Variants in PCA3 observed in about 807,000 individuals in gnomAD.
PCA3 encodes the protein Differential Display code 3.
At chr9:76,767,623 T>G (rs1189151322) in intron 2 of PCA3, among the ~76,000 whole-genome samples, 5 of 152,190 alleles carry the variant, frequency 3.3e-5, no homozygotes, top group African/African-American at 9.7e-5. Context: ...TTCCCTACCT[T>G]CTTTGTTGAC....
At chr9:76,767,343 CGA>C (rs2052521412) in intron 2 of PCA3, among the ~76,000 whole-genome samples, 2 of 151,850 alleles carry the variant, frequency 1.3e-5, no homozygotes, top group African/African-American at 2.4e-5. Context: ...CCCAGCTACT[CGA>C]GAGGCCGAGG....
At chr9:76,780,927 T>C (rs2054317439) in intron 2 of PCA3, among the ~76,000 whole-genome samples, 2 of 152,114 alleles carry the variant, frequency 1.3e-5, no homozygotes, top group Admixed American at 6.5e-5. Flanking sequence ...GTGTTTCCCA[T>C]CTGAGAAAGT....
At chr9:76,772,567 T>C (rs1387280352) in intron 2 of PCA3, among the ~76,000 whole-genome samples, 1 of 152,082 alleles carries the variant, frequency 6.6e-6, no homozygotes. Flanking sequence ...GTAAATTATT[T>C]TCTTTCTTTT....
intron 2 of PCA3, among the ~76,000 whole-genome samples, chr9:76,766,282 G>T (rs1191053128): frequency 6.6e-6 from 1 of 151,838 alleles, no homozygotes; most frequent in Non-Finnish European, 1.5e-5. Context: ...AAAAGCTTCA[G>T]GGGATACCAT....
chr9:76,765,613 T>C (rs543129975), intron 2 of PCA3, among the ~76,000 whole-genome samples: 1 of 152,342 alleles, frequency 6.6e-6, no homozygotes, highest in East Asian at 1.9e-4. Flanking sequence ...TCCATCCATC[T>C]ATCCATCCAT....
intron 2 of PCA3, among the ~76,000 whole-genome samples, chr9:76,770,818 G>C (rs758981820): frequency 6.6e-6 from 1 of 152,130 alleles, no homozygotes; most frequent in Non-Finnish European, 1.5e-5. Flanking sequence ...ATCCAGAAAT[G>C]ACTGCTCATA....
At chr9:76,765,366 A>T (rs13295396) in intron 2 of PCA3, among the ~76,000 whole-genome samples, 8,383 of 152,308 alleles carry the variant, frequency 0.055, 318 homozygotes, top group Non-Finnish European at 0.083. Flanking sequence ...AAAGATAAGA[A>T]TAGGTAAATA....
At chr9:76,782,316 A>G (rs1265907520) in intron 2 of PCA3, among the ~76,000 whole-genome samples, 1 of 152,238 alleles carries the variant, frequency 6.6e-6, no homozygotes, top group African/African-American at 2.4e-5. Context: ...TGAATGAATG[A>G]AAGAATGTGC....
chr9:76,774,450 C>CTTTTTTTATTTATTTATTTTTTT (rs1564272256), intron 2 of PCA3, among the ~76,000 whole-genome samples: 1 of 41,402 alleles, frequency 2.4e-5, no homozygotes. Context: ...CAGTTCAACC[C>CTTTTTTTATTTATTTATTTTTTT]TTTTTTTTTT....
chr9:76,772,901 ATT>A lies in PCA3; in HGVS notation n.853-35680_853-35679del, dbSNP rs1428706396. On this transcript the variant is annotated intron_variant and non_coding_transcript_variant, in intron 2 of 5. Coordinates refer to ENST00000644657, the Ensembl canonical transcript of PCA3. ...ATTATTGACAGACAGTCACACATGG[ATT>A]TCAAAAAATTAAGTGGCTTTAACAG... 4.6e-5 allele frequency among the ~76,000 whole-genome samples: 7 copies of A among 152,172 alleles called. No individual in the cohort carries two copies. The East Asian group carries it at 1.3e-3, about 29-fold the overall frequency.
chr9:76,779,162 T>C (rs534375659), intron 2 of PCA3, among the ~76,000 whole-genome samples: 1 of 152,168 alleles, frequency 6.6e-6, no homozygotes, highest in African/African-American at 2.4e-5. Flanking sequence ...GCAATACTTA[T>C]GTTCACAGGA....
At chr9:76,773,562 G>GCCT (rs1383606713) in intron 2 of PCA3, among the ~76,000 whole-genome samples, 2 of 150,812 alleles carry the variant, frequency 1.3e-5, no homozygotes, top group Admixed American at 1.3e-4. Context: ...TCCTGCCTTA[G>GCCT]CCTCCTGAGT....
chr9:76,765,206 A>T lies in PCA3; in HGVS notation n.852+28591A>T, dbSNP rs180911904. On this transcript the variant is annotated intron_variant and non_coding_transcript_variant, in intron 2 of 5. Transcript: ENST00000644657. ...CAAGCTGGGAATTCCAACATGTAGAAGTTAAACACAAGAGGAGGAGCCAGC... is the reference window on the plus strand; with the variant it reads ...CAAGCTGGGAATTCCAACATGTAGATGTTAAACACAAGAGGAGGAGCCAGC... Among the ~76,000 whole-genome samples the T allele has an allele frequency of 1.6e-4, 24 of 152,344 alleles. No homozygotes were observed. The East Asian group carries it at 4.2e-3, about 27-fold the overall frequency.
chr9:76,786,118 A>G (rs1156957210), intron 2 of PCA3: 2 of 152,210 alleles, frequency 1.3e-5, no homozygotes, highest in East Asian at 3.9e-4. Flanking sequence ...TCTCAGCAGA[A>G]GCCAGAATTT....
chr9:76,780,681 ACT>A (rs929854207), intron 2 of PCA3, among the ~76,000 whole-genome samples: 5 of 152,174 alleles, frequency 3.3e-5, no homozygotes, highest in African/African-American at 1.2e-4. Flanking sequence ...ACAGAGCAAG[ACT>A]CCGTCTCAAA....
intron 2 of PCA3, among the ~76,000 whole-genome samples, chr9:76,774,457 T>TATTTATTTATTTA (rs756648285): frequency 0.041 from 2,996 of 73,458 alleles, 113 homozygotes; most frequent in Non-Finnish European, 0.053. Context: ...ACCCTTTTTT[T>TATTTATTTATTTA]TTTTTTTTTT....
intron 2 of PCA3, among the ~76,000 whole-genome samples, chr9:76,776,518 C>CTT (rs796197139): frequency 5.5e-4 from 67 of 122,834 alleles, no homozygotes; most frequent in African/African-American, 1.0e-3. Flanking sequence ...TTTCTTTTTT[C>CTT]TTTTTTTTTT....
chr9:76,774,468 T>TATTTA lies in PCA3; in HGVS notation n.853-34115_853-34114insATTTA, dbSNP rs1564272983. 5.5e-5 allele frequency among the ~76,000 whole-genome samples: 8 copies of TATTTA among 144,626 alleles called. 1 individual carries two copies. The highest frequency in any genetic ancestry group is 2.0e-4 in the East Asian group (1 of 5,034). The allele number at this position is 144,626 out of a possible 152,430, so 94.9% of individuals were successfully genotyped here. On this transcript the variant is annotated intron_variant and non_coding_transcript_variant, in intron 2 of 5. Transcript: ENST00000644657. ...TTCAACCCTTTTTTTTTTTTTTTTT[T>TATTTA]TTTTTTTTTGAGATGGAGTCTCACT...
chr9:76,777,048 G>A (rs1413745616), intron 2 of PCA3, among the ~76,000 whole-genome samples: 4 of 151,946 alleles, frequency 2.6e-5, no homozygotes, highest in Non-Finnish European at 5.9e-5. Flanking sequence ...AATGCCATCA[G>A]GGTAGCTTCC....
Sources: gnomAD v4.1 joint callset for allele counts (sites outside exome capture counted in the v4.1 genomes callset) on GRCh38, gnomAD v4.1.1 for gene constraint, MANE v1.5 for transcripts, NCBI Gene and HGNC (gene_info 2026-07-23, HGNC 2026-07-21) for gene names.